Variants in TENM1 observed in about 807,000 individuals in gnomAD.
TENM1 encodes teneurin-1.
TENM1 carries 35 observed loss-of-function variants against 174.8 expected under a neutral mutation model. The ratio of observed to expected loss-of-function variants is 0.20; its 90% CI spans 0.15 to 0.27. TENM1 has a LOEUF of 0.27. Among genes scored for constraint, TENM1 ranks in the 10% least tolerant of loss-of-function variants. The pLI is 1.00. For synonymous variants in TENM1, 781 were observed against 798.7 expected (o/e 0.98, Z 0.37); for missense variants, 1,633 against 2,130.1 (o/e 0.77, Z 4.59).
chrX:124,390,446 A>T (rs1486151544), intron 28 of TENM1, among the ~76,000 whole-genome samples: 1 of 112,058 alleles, frequency 8.9e-6, no homozygotes, highest in East Asian at 2.8e-4. Context: ...GCACCCACTA[A>T]CTCGTCATCT....
At chrX:124,631,185 C>T (rs2050747454) in intron 11 of TENM1, among the ~76,000 whole-genome samples, 1 of 111,728 alleles carries the variant, frequency 9.0e-6, no homozygotes, top group Non-Finnish European at 1.9e-5. Context: ...TATAAAATAA[C>T]CATGTTTCAT....
At chrX:124,881,444 T>C (rs766346641) in intron 3 of TENM1, among the ~76,000 whole-genome samples, 1 of 111,455 alleles carries the variant, frequency 9.0e-6, no homozygotes, top group South Asian at 3.8e-4. Context: ...AATGGTTTAT[T>C]GATTTTGTTT....
At chrX:125,114,494 G>T in the TENM1 span, among the ~76,000 whole-genome samples, 1 of 111,329 alleles carries the variant, frequency 9.0e-6, no homozygotes. Context: ...TAGACTGCTA[G>T]CCAGACTAAT....
At chrX:125,127,731 T>C in the TENM1 span, among the ~76,000 whole-genome samples, 5 of 110,621 alleles carry the variant, frequency 4.5e-5, no homozygotes, top group Non-Finnish European at 9.5e-5. Context: ...GGAAGGGAGA[T>C]TTCCCATCCC....
At chrX:124,657,743 C>A (rs73543955) in intron 6 of TENM1, among the ~76,000 whole-genome samples, 2,062 of 111,877 alleles carry the variant, frequency 0.018, 41 homozygotes, top group African/African-American at 0.064. Context: ...TCCACCATTA[C>A]ATTTTAAGGT....
At chrX:124,826,098 C>T (rs2056154259) in intron 3 of TENM1, among the ~76,000 whole-genome samples, 1 of 111,458 alleles carries the variant, frequency 9.0e-6, no homozygotes, top group Admixed American at 9.6e-5. Context: ...AAGATACATG[C>T]AAGAAGTGCT....
intron 3 of TENM1, among the ~76,000 whole-genome samples, chrX:124,861,131 A>G (rs1298490060): frequency 8.9e-6 from 1 of 112,285 alleles, no homozygotes; most frequent in Non-Finnish European, 1.9e-5. Context: ...ATCCAGAAAT[A>G]AAACAAAAGC....
chrX:124,516,617 T>C (rs996817694), intron 18 of TENM1, among the ~76,000 whole-genome samples: 1 of 111,586 alleles, frequency 9.0e-6, no homozygotes, highest in Admixed American at 9.5e-5. Context: ...ATATCACCCA[T>C]CATCAGAGAA....
chrX:125,097,997 C>T, the TENM1 span, among the ~76,000 whole-genome samples: 1 of 112,624 alleles, frequency 8.9e-6, no homozygotes, highest in Non-Finnish European at 1.9e-5. Flanking sequence ...GGCGCGGTGG[C>T]TCACGCCTGT....
chrX:125,119,761 G>T, the TENM1 span, among the ~76,000 whole-genome samples: 2 of 110,637 alleles, frequency 1.8e-5, no homozygotes. Flanking sequence ...GTGATTCAAA[G>T]GACTAAATTT....
chrX:124,703,204 C>G (rs2052815903), intron 5 of TENM1, among the ~76,000 whole-genome samples: 1 of 111,039 alleles, frequency 9.0e-6, no homozygotes, highest in African/African-American at 3.3e-5. Context: ...AGTAACTCAC[C>G]CAAGGAAACA....
At chrX:124,714,565 T>C (rs1321577519) in intron 4 of TENM1, among the ~76,000 whole-genome samples, 8 of 111,971 alleles carry the variant, frequency 7.1e-5, no homozygotes, top group Admixed American at 3.8e-4. Flanking sequence ...ATCAGGAGGA[T>C]ACTTATCATC....
chrX:124,842,694 G>A (rs1234435296), intron 3 of TENM1, among the ~76,000 whole-genome samples: 2 of 110,068 alleles, frequency 1.8e-5, no homozygotes, highest in Admixed American at 1.9e-4. Flanking sequence ...ATAGGGATAC[G>A]AATTCCATCA....
the TENM1 span, among the ~76,000 whole-genome samples, chrX:125,192,055 C>G: frequency 9.0e-6 from 1 of 111,056 alleles, no homozygotes; most frequent in Non-Finnish European, 1.9e-5. Context: ...AACTGCCTCC[C>G]GCACTGAATG....
chrX:124,647,108 T>C (rs917826286), intron 8 of TENM1, among the ~76,000 whole-genome samples: 2 of 111,857 alleles, frequency 1.8e-5, no homozygotes, highest in Non-Finnish European at 3.8e-5. Context: ...GAGACATTCA[T>C]GATAAAGCTA....
At chrX:124,383,507 G>T (rs2060184707) in intron 30 of TENM1, 127 bp downstream of exon 33, 1 of 626,719 alleles carries the variant, frequency 1.6e-6, no homozygotes, top group Non-Finnish European at 2.5e-6. Flanking sequence ...GACAGCAAAT[G>T]CACAATAACT....
At chrX:124,702,080 C>A (rs16994520) in intron 5 of TENM1, among the ~76,000 whole-genome samples, 2,769 of 111,621 alleles carry the variant, frequency 0.025, 87 homozygotes, top group African/African-American at 0.085. Context: ...GGTTATACAG[C>A]AACTGCAAAT....
chrX:124,461,151 C>A (rs904584911), intron 22 of TENM1, among the ~76,000 whole-genome samples: 2 of 111,860 alleles, frequency 1.8e-5, no homozygotes, highest in East Asian at 5.6e-4. Context: ...TTACTATTAT[C>A]ATAGAATTAC....
At chrX:124,590,047 C>T (rs1417026877) in intron 11 of TENM1, among the ~76,000 whole-genome samples, 7 of 111,732 alleles carry the variant, frequency 6.3e-5, no homozygotes, top group Admixed American at 4.8e-4. Flanking sequence ...AGCCATTCAG[C>T]GCTATAAACT....
Sources: allele counts gnomAD v4.1 joint callset (sites outside exome capture counted in the v4.1 genomes callset), GRCh38; gene constraint gnomAD v4.1.1; transcripts MANE v1.5; gene names NCBI Gene and HGNC (gene_info 2026-07-23, HGNC 2026-07-21).